The following SP140L variants were observed in gnomAD, a reference collection of about 807,000 sequenced individuals.
The protein encoded by SP140L is nuclear body protein SP140-like protein.
In SP140L, 64 loss-of-function variants were observed where a neutral mutation model predicts 84.3. The observed-to-expected ratio is 0.76, with a 90% CI of 0.62 to 0.94. The LOEUF is 0.94. Ranked by LOEUF, SP140L falls within the 40% of genes least tolerant of loss-of-function variation. The pLI is 0.00. For synonymous variants in SP140L, 242 were observed against 236.9 expected (o/e 1.02, Z -0.20); for missense variants, 628 against 692.5 (o/e 0.91, Z 1.05).
At chr2:230,331,467 A>G (rs2059722867) in intron 2 of SP140L, among the ~76,000 whole-genome samples, 1 of 152,130 alleles carries the variant, frequency 6.6e-6, no homozygotes, top group Non-Finnish European at 1.5e-5. Context: ...ATCCATGGTT[A>G]TATTTTTTAT....
chr2:230,334,671 C>CG (rs1304587220), intron 2 of SP140L, among the ~76,000 whole-genome samples: 2 of 151,798 alleles, frequency 1.3e-5, no homozygotes, highest in African/African-American at 4.8e-5. Context: ...GATAGCGAAA[C>CG]TATAACAGCC....
chr2:230,400,698 C>G, intron 15 of SP140L: 1 of 780,568 alleles, frequency 1.3e-6, no homozygotes, highest in Non-Finnish European at 2.0e-6. Flanking sequence ...CTCCCAGCAG[C>G]TCAGACAGGG....
In SP140L at chr2:230,401,295, G is replaced by T. The variant is rs566647554; in HGVS notation, c.1423-71G>T. On this transcript the variant is annotated intron_variant, in intron 16 of 18. Coordinates refer to ENST00000415673, the MANE Select transcript of SP140L (RefSeq NM_138402.6). ...CTTGAGGAAGAAGGGTGTGAGTCGT[G>T]TGCTGTGTCTCATGCATGTGGGCTC... The T allele has an allele frequency of 5.6e-6, 9 of 1,611,602 alleles. No individual in the cohort carries two copies. The East Asian group carries it at 1.6e-4, about 28-fold the overall frequency.
At chr2:230,383,661 G>A (rs2061480152) in intron 8 of SP140L, 86 bp downstream of exon 8, 1 of 1,318,308 alleles carries the variant, frequency 7.6e-7, no homozygotes, top group East Asian at 2.5e-5. Flanking sequence ...AGTTCACGAG[G>A]GCCAGGAGAG....
At chr2:230,335,089 A>G (rs1034431850) in intron 2 of SP140L, among the ~76,000 whole-genome samples, 1 of 152,014 alleles carries the variant, frequency 6.6e-6, no homozygotes, top group East Asian at 1.9e-4. Flanking sequence ...CTTTTGATCA[A>G]TCTTTCCATT....
chr2:230,363,611 C>A (rs553048708), intron 5 of SP140L, among the ~76,000 whole-genome samples: 1 of 151,924 alleles, frequency 6.6e-6, no homozygotes, highest in Non-Finnish European at 1.5e-5. Flanking sequence ...TATTTTCTCC[C>A]TTCTGTAGGT....
chr2:230,390,126 G>T (rs2061740035), intron 11 of SP140L, 103 bp downstream of exon 11: 6 of 1,033,446 alleles, frequency 5.8e-6, no homozygotes, highest in East Asian at 2.5e-5. Flanking sequence ...GGAGTTTTGG[G>T]CCCAGTTTAG....
intron 5 of SP140L, among the ~76,000 whole-genome samples, chr2:230,364,630 T>G (rs2060814111): frequency 6.6e-6 from 1 of 152,158 alleles, no homozygotes; most frequent in Non-Finnish European, 1.5e-5. Flanking sequence ...ATGTCTTTTA[T>G]TTCTTTTTCT....
intron 8 of SP140L, among the ~76,000 whole-genome samples, chr2:230,384,575 T>G (rs986123970): frequency 6.6e-6 from 1 of 152,196 alleles, no homozygotes; most frequent in Non-Finnish European, 1.5e-5. Context: ...TGGATGTACA[T>G]TTGTGTTTGG....
At chr2:230,385,066 AT>A (rs1337797636) in intron 8 of SP140L, among the ~76,000 whole-genome samples, 157 bp from the exon 9 acceptor site, 2 of 152,202 alleles carry the variant, frequency 1.3e-5, no homozygotes, top group African/African-American at 2.4e-5. Flanking sequence ...TCTGTGTGTA[AT>A]TTAGAAGTCA....
At chr2:230,364,504 A>G (rs1237741970) in intron 5 of SP140L, among the ~76,000 whole-genome samples, 1 of 152,074 alleles carries the variant, frequency 6.6e-6, no homozygotes, top group Non-Finnish European at 1.5e-5. Flanking sequence ...GTATCCTGCA[A>G]CTTTACCAAA....
intron 14 of SP140L, among the ~76,000 whole-genome samples, chr2:230,399,548 C>T (rs1032935269): frequency 6.6e-6 from 1 of 152,178 alleles, no homozygotes; most frequent in East Asian, 1.9e-4. Context: ...GCTCTGTGCT[C>T]CCTGTGGCCC....
At chr2:230,393,270 G>A (rs2149813700) in intron 12 of SP140L, 144 bp from the exon 13 acceptor site, 1 of 818,690 alleles carries the variant, frequency 1.2e-6, no homozygotes, top group Non-Finnish European at 1.9e-6. Context: ...GTGAAGACAG[G>A]GAGATGGTTT....
chr2:230,346,262 T>A (rs922674665), intron 2 of SP140L, among the ~76,000 whole-genome samples: 4 of 152,230 alleles, frequency 2.6e-5, no homozygotes, highest in African/African-American at 9.6e-5. Flanking sequence ...GTTAGTCTTA[T>A]GAGGGCTCCA....
In SP140L at chr2:230,357,851, A is replaced by G; in HGVS notation, c.154A>G (p.Thr52Ala). Residue 52 changes from threonine to alanine, a missense_variant, in exon 3 of 19, where the codon ACT becomes GCT. Thr to Ala is a moderately conservative substitution (Grantham distance 58). Transcript: ENST00000415673. Reference protein sequence around the residue: ...QDVDEGLVYDTVFKHFKRHKL... With the variant: ...QDVDEGLVYDAVFKHFKRHKL... Reference sequence around the variant, plus strand: ...TGTAGATGAGGGACTTGTCTATGACACTGTATTCAAGCACTTCAAAAGACA... The same window carrying G: ...TGTAGATGAGGGACTTGTCTATGACGCTGTATTCAAGCACTTCAAAAGACA... 2 of 1,614,078 alleles carry G rather than the reference A, an allele frequency of 1.2e-6. No homozygotes were observed. The highest frequency in any genetic ancestry group is 2.2e-5 in the South Asian group (2 of 91,068).
intron 7 of SP140L, among the ~76,000 whole-genome samples, chr2:230,374,611 C>T (rs2061185200): frequency 1.3e-5 from 2 of 152,150 alleles, no homozygotes; most frequent in South Asian, 4.1e-4. Flanking sequence ...ACACAGCAAA[C>T]TTCTTTACTG....
chr2:230,365,110 GT>G (rs575902085), intron 5 of SP140L, among the ~76,000 whole-genome samples: 138 of 152,152 alleles, frequency 9.1e-4, no homozygotes, highest in Admixed American at 2.9e-3. Context: ...CTGGCCTGTA[GT>G]TTTCTTTTCT....
At position 230,391,933 on chromosome 2, in the gene SP140L, T is replaced by A. The variant is rs2061825303; in HGVS notation, c.965-154T>A. 5.0e-6 allele frequency: 5 copies of A among 1,007,714 alleles called. No homozygotes were observed. The East Asian group carries it at 1.2e-4, about 25-fold the overall frequency. The allele number at this position is 1,007,714 out of a possible 1,614,324, so 62.4% of individuals were successfully genotyped here. ...ACTTAGAGGGGACTTTCAGGCTGGA[T>A]TTGGGGCCTCTGAAGTCTGAGAGGG... On this transcript the variant is annotated intron_variant, in intron 11 of 18. Transcript: ENST00000415673.
chr2:230,367,983 T>C (rs576332988), intron 5 of SP140L, among the ~76,000 whole-genome samples: 1 of 152,378 alleles, frequency 6.6e-6, no homozygotes, highest in East Asian at 1.9e-4. Flanking sequence ...TTTTAACTTT[T>C]ATACTAGAGA....
Sources: gnomAD v4.1 joint callset for allele counts (sites outside exome capture counted in the v4.1 genomes callset) on GRCh38, gnomAD v4.1.1 for gene constraint, MANE v1.5 for transcripts, NCBI Gene and HGNC (gene_info 2026-07-23, HGNC 2026-07-21) for gene names.